CPQ: variants seen among roughly 807,000 people sequenced by gnomAD.
CPQ encodes the protein Ser-Met dipeptidase.
A neutral mutation model predicts 45.7 loss-of-function variants in CPQ; 37 were observed. The ratio of observed to expected loss-of-function variants is 0.81; its 90% CI spans 0.62 to 1.07. The LOEUF (loss-of-function observed/expected upper bound fraction) is 1.07, where lower values mean the gene tolerates loss of function less well. Ranked by LOEUF, CPQ falls within the 50% of genes least tolerant of loss-of-function variation. CPQ has a pLI of 0.00. For synonymous variants in CPQ, 186 were observed against 205.8 expected (o/e 0.90, Z 0.82); for missense variants, 537 against 572.9 (o/e 0.94, Z 0.64).
At chr8:96,728,835 G>A (rs1205626599) in intron 1 of CPQ, among the ~76,000 whole-genome samples, 1 of 152,114 alleles carries the variant, frequency 6.6e-6, no homozygotes, top group Non-Finnish European at 1.5e-5. Context: ...CCCCATACAA[G>A]TCGATTAGCT....
intron 1 of CPQ, among the ~76,000 whole-genome samples, chr8:96,706,189 G>T (rs1809528721): frequency 6.6e-6 from 1 of 152,046 alleles, no homozygotes; most frequent in Non-Finnish European, 1.5e-5. Context: ...TAGACTACTT[G>T]ATTTTTCTTG....
chr8:97,141,926 TTATA>T (rs1408738227), intron 7 of CPQ, among the ~76,000 whole-genome samples: 1 of 152,170 alleles, frequency 6.6e-6, no homozygotes, highest in Admixed American at 6.6e-5. Flanking sequence ...CGTATAATTG[TTATA>T]TATAGTCATA....
intron 1 of CPQ, among the ~76,000 whole-genome samples, chr8:96,745,192 C>CA (rs1274842403): frequency 6.6e-6 from 1 of 152,102 alleles, no homozygotes; most frequent in Non-Finnish European, 1.5e-5. Context: ...CCTGTAATCC[C>CA]AGCTACTCAG....
intron 4 of CPQ, among the ~76,000 whole-genome samples, chr8:96,963,689 G>A (rs527937567): frequency 6.6e-6 from 1 of 152,256 alleles, no homozygotes; most frequent in African/African-American, 2.4e-5. Context: ...TTATATTGAA[G>A]TATAATATTC....
intron 7 of CPQ, among the ~76,000 whole-genome samples, chr8:97,077,077 A>C (rs1810859196): frequency 6.6e-6 from 1 of 152,214 alleles, no homozygotes; most frequent in African/African-American, 2.4e-5. Context: ...TCTATTTATC[A>C]ATACCATCTG....
At chr8:97,064,434 C>T (rs1253495870) in intron 6 of CPQ, among the ~76,000 whole-genome samples, 1 of 152,178 alleles carries the variant, frequency 6.6e-6, no homozygotes, top group Admixed American at 6.5e-5. Flanking sequence ...AATGATGCTA[C>T]CATAATGCAG....
chr8:96,724,890 C>T (rs1208662938), intron 1 of CPQ, among the ~76,000 whole-genome samples: 1 of 152,218 alleles, frequency 6.6e-6, no homozygotes, highest in East Asian at 1.9e-4. Context: ...CAGACACATA[C>T]ACCAATGAAA....
intron 2 of CPQ, among the ~76,000 whole-genome samples, chr8:96,797,664 C>A (rs1364547046): frequency 6.6e-6 from 1 of 152,102 alleles, no homozygotes; most frequent in Non-Finnish European, 1.5e-5. Context: ...CGCTTTTAAT[C>A]TCAGTGCTTT....
intron 4 of CPQ, among the ~76,000 whole-genome samples, chr8:96,916,875 T>C (rs1212717475): frequency 6.6e-6 from 1 of 152,130 alleles, no homozygotes; most frequent in Non-Finnish European, 1.5e-5. Context: ...TTCAAAAGTT[T>C]AGACTGGGGT....
chr8:96,995,757 A>G (rs551063665), intron 5 of CPQ, among the ~76,000 whole-genome samples: 1 of 151,960 alleles, frequency 6.6e-6, no homozygotes, highest in South Asian at 2.1e-4. Context: ...TTTGTTATAC[A>G]GATTATTTCA....
At chr8:96,999,965 G>C (rs1287821767) in intron 5 of CPQ, among the ~76,000 whole-genome samples, 1 of 147,836 alleles carries the variant, frequency 6.8e-6, no homozygotes, top group East Asian at 2.0e-4. Flanking sequence ...TTGCAGTTTT[G>C]ATTTGCATTT....
At chr8:96,795,843 A>G (rs1476320310) in intron 2 of CPQ, among the ~76,000 whole-genome samples, 2 of 152,102 alleles carry the variant, frequency 1.3e-5, no homozygotes, top group Non-Finnish European at 2.9e-5. Context: ...GGTATATTCT[A>G]GGAAGTTGTA....
chr8:96,897,829 T>C (rs116414553), intron 4 of CPQ, among the ~76,000 whole-genome samples: 1 of 152,292 alleles, frequency 6.6e-6, no homozygotes, highest in African/African-American at 2.4e-5. Context: ...GGTTGGTTTT[T>C]GCAGTAAATT....
chr8:97,084,070 C>T (rs976170253), intron 7 of CPQ, among the ~76,000 whole-genome samples: 1 of 152,072 alleles, frequency 6.6e-6, no homozygotes, highest in African/African-American at 2.4e-5. Flanking sequence ...AAGGAGCAGT[C>T]TACTCATAAA....
intron 2 of CPQ, among the ~76,000 whole-genome samples, chr8:96,821,000 T>C (rs981063860): frequency 1.3e-5 from 2 of 152,046 alleles, no homozygotes; most frequent in Non-Finnish European, 2.9e-5. Flanking sequence ...TGCTGTCTCA[T>C]TGTGGTTTTC....
At chr8:96,755,903 A>AGT (rs1810320919) in intron 1 of CPQ, among the ~76,000 whole-genome samples, 2 of 152,002 alleles carry the variant, frequency 1.3e-5, no homozygotes, top group Non-Finnish European at 2.9e-5. Context: ...CCTGAAAGTA[A>AGT]CACCTATGCC....
At chr8:96,942,862 C>G (rs1473725770) in intron 4 of CPQ, among the ~76,000 whole-genome samples, 1 of 152,142 alleles carries the variant, frequency 6.6e-6, no homozygotes, top group Non-Finnish European at 1.5e-5. Context: ...AGTTTAGTGC[C>G]TCTTTGTCAT....
intron 3 of CPQ, among the ~76,000 whole-genome samples, chr8:96,845,923 G>A (rs549860995): frequency 6.6e-6 from 1 of 152,102 alleles, no homozygotes; most frequent in Non-Finnish European, 1.5e-5. Context: ...GGATTCAAGC[G>A]ATTCTCCTGC....
chr8:96,747,329 G>A (rs1810201298), intron 1 of CPQ, among the ~76,000 whole-genome samples: 1 of 149,692 alleles, frequency 6.7e-6, no homozygotes. Flanking sequence ...CTCATTATTT[G>A]AATGGGCCAA....
Sources: gnomAD v4.1 joint callset for allele counts (sites outside exome capture counted in the v4.1 genomes callset) on GRCh38, gnomAD v4.1.1 for gene constraint, MANE v1.5 for transcripts, NCBI Gene and HGNC (gene_info 2026-07-23, HGNC 2026-07-21) for gene names.